GABRA1: variants seen among roughly 807,000 people sequenced by gnomAD.
GABRA1 encodes gamma-aminobutyric acid receptor subunit alpha-1.
In GABRA1, 9 loss-of-function variants were observed where a neutral mutation model predicts 48.9. That is an observed-to-expected ratio of 0.18 (90% CI 0.11 to 0.32). The LOEUF is 0.32. Among genes scored for constraint, GABRA1 ranks in the 10% least tolerant of loss-of-function variants. The pLI, the probability that GABRA1 is intolerant of heterozygous loss-of-function variation, is 1.00. For synonymous variants in GABRA1, 210 were observed against 198.7 expected (o/e 1.06, Z -0.48); for missense variants, 285 against 553.8 (o/e 0.51, Z 4.87).
chr5:161,891,095 C>T, intron 8 of GABRA1, 45 bp downstream of exon 8: 1 of 1,545,240 alleles, frequency 6.5e-7, no homozygotes, highest in Non-Finnish European at 8.9e-7. Flanking sequence ...GTATGGAAGA[C>T]AAGTTATGTC....
rs763132854 is a variant in GABRA1, at chr5:161,850,766, A to G, written c.-15-30A>G. The G allele has an allele frequency of 2.5e-6, 4 of 1,569,254 alleles. No individual in the cohort carries two copies. In the South Asian group the frequency reaches 3.3e-5, roughly 13 times the overall value. On this transcript the variant is annotated intron_variant, in intron 1 of 9. Coordinates refer to ENST00000393943, the MANE Select transcript of GABRA1 (RefSeq NM_001127644.2). ...TATAACCTGATGTTTCTTGCTAGAGACATTGATCTCTACTTATTCTACTTT... is the reference window on the plus strand; with the variant it reads ...TATAACCTGATGTTTCTTGCTAGAGGCATTGATCTCTACTTATTCTACTTT...
chr5:161,891,132 A>T (rs900975111), intron 8 of GABRA1, 82 bp downstream of exon 8: 15 of 1,161,838 alleles, frequency 1.3e-5, no homozygotes, highest in East Asian at 7.3e-5. Context: ...AAAGAGAAAT[A>T]AAAAAAAATA....
Position 161,898,605 on chromosome 5 carries a change from T to A in GABRA1, c.*1183T>A, listed in dbSNP as rs949234209. 3 of 152,258 alleles carry A rather than the reference T, an allele frequency of 2.0e-5. No homozygotes were observed. Among genetic ancestry groups the A allele is most frequent in the Non-Finnish European group, 2.9e-5 (2 of 67,992 alleles). The allele number at this position is 152,258 out of a possible 1,614,324, so 9.4% of individuals were successfully genotyped here. On this transcript the variant is annotated 3_prime_UTR_variant, in exon 10 of 10. Coordinates refer to ENST00000393943, the MANE Select transcript of GABRA1 (RefSeq NM_001127644.2). ...CCACATGGAACTTAAAACATATGGG[T>A]GTGAAGTCCACTTATGTAGACAAAA...
At chr5:161,858,559 G>A (rs555270169) in intron 3 of GABRA1, among the ~76,000 whole-genome samples, 2 of 151,778 alleles carry the variant, frequency 1.3e-5, no homozygotes, top group African/African-American at 4.8e-5. Context: ...ATCACTAAGA[G>A]GTGATGCCAC....
Position 161,873,098 on chromosome 5 carries a change from A to G in GABRA1, c.256-19A>G, listed in dbSNP as rs763867996. 9 of 1,571,960 alleles carry G rather than the reference A, an allele frequency of 5.7e-6. No individual in the cohort carries two copies. The highest frequency in any genetic ancestry group is 2.2e-5 in the East Asian group (1 of 44,700). Reference sequence around the variant, plus strand: ...AATACAGCACAGTGAACTCTTCGTCATTTTCCAAAATTACCTAGGAATATA... The same window carrying G: ...AATACAGCACAGTGAACTCTTCGTCGTTTTCCAAAATTACCTAGGAATATA... On this transcript the variant is annotated intron_variant, in intron 4 of 9. Transcript: ENST00000393943.
chr5:161,888,885 G>A (rs966916281), intron 7 of GABRA1, among the ~76,000 whole-genome samples: 1 of 151,988 alleles, frequency 6.6e-6, no homozygotes, highest in African/African-American at 2.4e-5. Flanking sequence ...TGTTTTGATT[G>A]AGTGACCGTG....
intron 6 of GABRA1, among the ~76,000 whole-genome samples, chr5:161,881,054 T>G (rs1754592754): frequency 6.6e-6 from 1 of 152,246 alleles, no homozygotes; most frequent in South Asian, 2.1e-4. Flanking sequence ...TTATATTATA[T>G]TCACTTTATC....
intron 4 of GABRA1, among the ~76,000 whole-genome samples, chr5:161,867,189 C>T (rs1753905628): frequency 6.6e-6 from 1 of 152,094 alleles, no homozygotes; most frequent in African/African-American, 2.4e-5. Context: ...ATGTGTTTTA[C>T]TAAATTGACA....
chr5:161,867,324 G>C (rs991578982), intron 4 of GABRA1, among the ~76,000 whole-genome samples: 11 of 152,078 alleles, frequency 7.2e-5, no homozygotes, highest in Non-Finnish European at 5.9e-5. Context: ...AATAAAAACT[G>C]TTCTGCCTGT....
At chr5:161,860,841 G>A (rs10068980) in intron 3 of GABRA1, among the ~76,000 whole-genome samples, 41,565 of 151,612 alleles carry the variant, frequency 0.27, 7,331 homozygotes, top group African/African-American at 0.49. Context: ...AAGTTATAAG[G>A]TGCACAGTAT....
At chr5:161,887,754 G>C (rs1009325127) in intron 7 of GABRA1, among the ~76,000 whole-genome samples, 4 of 152,126 alleles carry the variant, frequency 2.6e-5, no homozygotes, top group African/African-American at 4.8e-5. Context: ...CTCTGACTTA[G>C]AGAGAGAATG....
intron 7 of GABRA1, among the ~76,000 whole-genome samples, chr5:161,890,633 C>T (rs1418683617): frequency 1.3e-5 from 2 of 151,950 alleles, no homozygotes; most frequent in Non-Finnish European, 2.9e-5. Flanking sequence ...CAGATTTGTT[C>T]CTCCAATATG....
chr5:161,880,284 A>G (rs1190456711), intron 6 of GABRA1, among the ~76,000 whole-genome samples: 1 of 152,150 alleles, frequency 6.6e-6, no homozygotes, highest in Admixed American at 6.6e-5. Flanking sequence ...TAAACTCATT[A>G]TGTCTTCTTA....
chr5:161,888,443 A>G (rs1754943562), intron 7 of GABRA1, among the ~76,000 whole-genome samples: 1 of 152,172 alleles, frequency 6.6e-6, no homozygotes. Context: ...TGTTTATAAA[A>G]CAAATATAAT....
At chr5:161,890,442 T>A (rs1478415787) in intron 7 of GABRA1, among the ~76,000 whole-genome samples, 1 of 152,118 alleles carries the variant, frequency 6.6e-6, no homozygotes, top group African/African-American at 2.4e-5. Context: ...GTTTTGGAGC[T>A]AAAATTAAAC....
chr5:161,861,238 G>A (rs2113337021), intron 3 of GABRA1, among the ~76,000 whole-genome samples: 1 of 151,868 alleles, frequency 6.6e-6, no homozygotes, highest in Non-Finnish European at 1.5e-5. Context: ...CTCACTGCAT[G>A]CTTGTATCCA....
intron 8 of GABRA1, among the ~76,000 whole-genome samples, chr5:161,893,488 T>C (rs1354312375): frequency 1.3e-5 from 2 of 152,100 alleles, no homozygotes; most frequent in Non-Finnish European, 2.9e-5. Flanking sequence ...AAAAGGATCA[T>C]GTAGATTCAA....
chr5:161,875,453 T>C (rs1231017790), intron 5 of GABRA1, 107 bp from the exon 6 acceptor site: 4 of 875,436 alleles, frequency 4.6e-6, no homozygotes, highest in Non-Finnish European at 5.9e-6. Context: ...CCTGCAATTA[T>C]GCCTTCTTTG....
chr5:161,886,001 G>A (rs1487679978), intron 7 of GABRA1, among the ~76,000 whole-genome samples: 1 of 152,108 alleles, frequency 6.6e-6, no homozygotes, highest in Non-Finnish European at 1.5e-5. Flanking sequence ...ACATGCATTG[G>A]CACTGTTCTA....
Sources: allele counts gnomAD v4.1 joint callset (sites outside exome capture counted in the v4.1 genomes callset), GRCh38; gene constraint gnomAD v4.1.1; transcripts MANE v1.5; gene names NCBI Gene and HGNC (gene_info 2026-07-23, HGNC 2026-07-21).